Variants in ZFPM1 observed in about 807,000 individuals in gnomAD.
ZFPM1 encodes the protein zinc finger protein, FOG family member 1, also known as zinc finger protein ZFPM1.
Under a neutral mutation model 46.3 loss-of-function variants are expected in ZFPM1, and 28 were observed. The ratio of observed to expected loss-of-function variants is 0.60; its 90% CI spans 0.45 to 0.83. ZFPM1 has a LOEUF of 0.83. Among genes scored for constraint, ZFPM1 ranks in the 40% least tolerant of loss-of-function variants. ZFPM1 has a pLI of 0.00. For synonymous variants in ZFPM1, 957 were observed against 675.9 expected (o/e 1.42, Z -6.45); for missense variants, 1,878 against 1,432.4 (o/e 1.31, Z -5.02).
chr16:88,489,973 A>G (rs971882072), intron 3 of ZFPM1, among the ~76,000 whole-genome samples: 1 of 151,866 alleles, frequency 6.6e-6, no homozygotes, highest in African/African-American at 2.4e-5. Flanking sequence ...TGGGGGTCGC[A>G]AGGTCCCCCG....
At chr16:88,475,519 G>C (rs938869073) in intron 1 of ZFPM1, among the ~76,000 whole-genome samples, 1 of 150,548 alleles carries the variant, frequency 6.6e-6, no homozygotes, top group African/African-American at 2.5e-5. Context: ...GGTCCGGGGG[G>C]GGGAGCACAG....
intron 3 of ZFPM1, among the ~76,000 whole-genome samples, chr16:88,507,861 A>G (rs556643589): frequency 1.7e-4 from 26 of 151,992 alleles, no homozygotes; most frequent in Admixed American, 1.4e-3. Flanking sequence ...CTGGGAGGAT[A>G]CCCTTCCCCA....
rs1252934917 is a variant in ZFPM1 at position 88,536,344 on chromosome 16, A to G, written c.*1365A>G. 1 of 152,070 alleles carries G rather than the reference A, an allele frequency of 6.6e-6. No individual in the cohort carries two copies. Among genetic ancestry groups the G allele is most frequent in the Non-Finnish European group, 1.5e-5 (1 of 68,014 alleles). The allele number at this position is 152,070 out of a possible 1,614,324, so 9.4% of individuals were successfully genotyped here. A position where few individuals can be genotyped will look rare whatever the true frequency, so the allele number is the denominator to read the frequency against. ...GACCCACCACACCTGGCTAACTTTT[A>G]AAACATTTTTATAGAGACAGGGTCT... On this transcript the variant is annotated 3_prime_UTR_variant, in exon 10 of 10. Transcript: ENST00000319555.
intron 4 of ZFPM1, among the ~76,000 whole-genome samples, chr16:88,518,773 A>AG: frequency 9.1e-6 from 1 of 109,354 alleles, no homozygotes; most frequent in East Asian, 3.0e-4. Flanking sequence ...GGATGGATGG[A>AG]TGATGGGTGG....
At chr16:88,486,715 G>T (rs567366010) in intron 2 of ZFPM1, among the ~76,000 whole-genome samples, 11 of 148,278 alleles carry the variant, frequency 7.4e-5, no homozygotes, top group African/African-American at 2.8e-4. Flanking sequence ...GGGTACTGGG[G>T]GCACAGTGGA....
At chr16:88,529,902 T>C (rs1055935346) in intron 6 of ZFPM1, among the ~76,000 whole-genome samples, 9 of 151,970 alleles carry the variant, frequency 5.9e-5, no homozygotes, top group African/African-American at 2.2e-4. Flanking sequence ...TGGGAATAGC[T>C]GGTGACACTG....
At position 88,536,601 on chromosome 16, in the gene ZFPM1, C is replaced by T. The variant is rs1372653601; in HGVS notation, c.*1622C>T. On this transcript the variant is annotated 3_prime_UTR_variant, in exon 10 of 10. Transcript: ENST00000319555. ...GAGGCACTTCCCAGCCAGTCCAGGGCTCGCTCTCCTGCCCGCAGCTCGTGG... is the reference window on the plus strand; with the variant it reads ...GAGGCACTTCCCAGCCAGTCCAGGGTTCGCTCTCCTGCCCGCAGCTCGTGG... 2 of 152,312 alleles carry T rather than the reference C, an allele frequency of 1.3e-5. No individual in the cohort carries two copies. Among genetic ancestry groups the T allele is most frequent in the Non-Finnish European group, 2.9e-5 (2 of 68,088 alleles). The allele number at this position is 152,312 out of a possible 1,614,324, so 9.4% of individuals were successfully genotyped here.
In ZFPM1 at chr16:88,528,295, G is replaced by A. The variant is rs992629335; in HGVS notation, c.712+57G>A. ...CTGCTCCACCAAGGAGGAGCAGGCAGGGCAGGAGAGGGTGGGAGCTGAGGG... is the reference window on the plus strand; with the variant it reads ...CTGCTCCACCAAGGAGGAGCAGGCAAGGCAGGAGAGGGTGGGAGCTGAGGG... On this transcript the variant is annotated intron_variant, in intron 6 of 9. Coordinates refer to ENST00000319555, the MANE Select transcript of ZFPM1 (RefSeq NM_153813.3). The A allele has an allele frequency of 2.0e-6, 3 of 1,504,132 alleles. No individual in the cohort carries two copies. In the African/African-American group the frequency reaches 4.1e-5, roughly 21 times the overall value. 93.2% of individuals were successfully genotyped at this position (1,504,132 alleles called of 1,614,324 possible).
intron 4 of ZFPM1, among the ~76,000 whole-genome samples, chr16:88,521,124 G>A (rs905008220): frequency 2.0e-5 from 3 of 151,172 alleles, no homozygotes; most frequent in East Asian, 1.9e-4. Context: ...ATGGATGCAT[G>A]GATGGATGGA....
chr16:88,454,667 A>G (rs545257731), intron 1 of ZFPM1, among the ~76,000 whole-genome samples: 1 of 152,242 alleles, frequency 6.6e-6, no homozygotes, highest in Non-Finnish European at 1.5e-5. Flanking sequence ...GGGCTGTGCC[A>G]GGAGGGAGCA....
At chr16:88,526,674 G>A in intron 4 of ZFPM1, 140 bp from the exon 5 acceptor site, 1 of 899,990 alleles carries the variant, frequency 1.1e-6, no homozygotes, top group Non-Finnish European at 1.7e-6. Flanking sequence ...CCAGCTCTTG[G>A]GCCAATGACT....
chr16:88,524,544 G>A (rs1191481131), intron 4 of ZFPM1, among the ~76,000 whole-genome samples: 3 of 152,240 alleles, frequency 2.0e-5, no homozygotes, highest in Admixed American at 1.3e-4. Flanking sequence ...AGCATGTGCT[G>A]CCCCGGACAT....
At chr16:88,482,394 G>A (rs548032602) in intron 1 of ZFPM1, among the ~76,000 whole-genome samples, 75 of 152,334 alleles carry the variant, frequency 4.9e-4, no homozygotes, top group African/African-American at 1.7e-3. Flanking sequence ...TGGGCTGACA[G>A]TTGTCTCCTG....
At position 88,481,102 on chromosome 16, in the gene ZFPM1, C is replaced by T. The variant is rs538439481; in HGVS notation, c.41-4837C>T. Among the ~76,000 whole-genome samples the T allele has an allele frequency of 1.1e-3, 175 of 152,370 alleles. 1 individual carries two copies. Among genetic ancestry groups the T allele is most frequent in the Non-Finnish European group, 9.4e-4 (64 of 68,036 alleles). On this transcript the variant is annotated intron_variant, in intron 1 of 9. Coordinates refer to ENST00000319555, the MANE Select transcript of ZFPM1 (RefSeq NM_153813.3). Reference sequence around the variant, plus strand: ...TATTATGTTTTCATTTCCATTTCGGCGTCCGGCTTAATGAGCAGGAGACGG... The same window carrying T: ...TATTATGTTTTCATTTCCATTTCGGTGTCCGGCTTAATGAGCAGGAGACGG...
rs550395696 is a variant in ZFPM1, at chr16:88,489,082, A to G, written c.197A>G (p.Lys66Arg). 2.5e-6 allele frequency: 4 copies of G among 1,613,092 alleles called. No homozygotes were observed. The South Asian group carries it at 4.4e-5, about 18-fold the overall frequency. ...LPPPTSPGGPKELEGQEPEPR... is the reference protein window; with the variant it reads ...LPPPTSPGGPRELEGQEPEPR... ...CCCCCCACATCCCCAGGAGGCCCCA[A>G]GGAGCTGGAAGGACAGGAACCAGAA... is the stretch of plus-strand genomic sequence containing the variant. Residue 66 changes from lysine to arginine, a missense_variant, in exon 3 of 10, where the codon AAG becomes AGG. Transcript: ENST00000319555.
chr16:88,458,912 G>T (rs147652789), intron 1 of ZFPM1, among the ~76,000 whole-genome samples: 5 of 152,300 alleles, frequency 3.3e-5, no homozygotes, highest in African/African-American at 1.2e-4. Flanking sequence ...GGTGAGTCCC[G>T]CCACTCTGGA....
chr16:88,515,792 G>T (rs1488402180), intron 4 of ZFPM1, among the ~76,000 whole-genome samples: 1 of 152,260 alleles, frequency 6.6e-6, no homozygotes, highest in African/African-American at 2.4e-5. Context: ...AAGCCATGGT[G>T]TTTAGAGCTG....
Position 88,491,554 on chromosome 16 carries a change from A to T in ZFPM1, c.268+2401A>T, listed in dbSNP as rs80348840. Reference sequence around the variant, plus strand: ...TAGACACTGGTTTGATCGCCACCCCAAGGGTCCCTGTCCATCCCTGCGGTG... The same window carrying T: ...TAGACACTGGTTTGATCGCCACCCCTAGGGTCCCTGTCCATCCCTGCGGTG... On this transcript the variant is annotated intron_variant, in intron 3 of 9. Coordinates refer to ENST00000319555, the MANE Select transcript of ZFPM1 (RefSeq NM_153813.3). Among the ~76,000 whole-genome samples, 882 of 152,226 alleles carry T rather than the reference A, an allele frequency of 5.8e-3. 12 individuals are homozygous for T. The highest frequency in any genetic ancestry group is 0.02 in the African/African-American group (838 of 41,544).
chr16:88,473,894 T>G (rs1020206012), intron 1 of ZFPM1, among the ~76,000 whole-genome samples: 8 of 152,120 alleles, frequency 5.3e-5, no homozygotes, highest in African/African-American at 1.9e-4. Flanking sequence ...ATCCCATCCC[T>G]GGGCACCCCC....
Sources: allele counts gnomAD v4.1 joint callset (sites outside exome capture counted in the v4.1 genomes callset), GRCh38; gene constraint gnomAD v4.1.1; transcripts MANE v1.5; gene names NCBI Gene and HGNC (gene_info 2026-07-23, HGNC 2026-07-21).